The following CPXM2 variants were observed in gnomAD, a reference collection of about 807,000 sequenced individuals.
CPXM2 encodes the protein carboxypeptidase X, M14 family member 2.
A neutral mutation model predicts 86.1 loss-of-function variants in CPXM2; 66 were observed. The observed-to-expected ratio is 0.77, with a 90% CI of 0.63 to 0.94. The LOEUF (loss-of-function observed/expected upper bound fraction) is 0.94. Among genes scored for constraint, CPXM2 ranks in the 40% least tolerant of loss-of-function variants. The pLI, the probability that CPXM2 is intolerant of heterozygous loss-of-function variation, is 0.00. For synonymous variants in CPXM2, 388 were observed against 400.2 expected, an observed-to-expected ratio of 0.97 and a Z score of 0.36; for missense variants, 948 against 1,026.3, an observed-to-expected ratio of 0.92 and a Z score of 1.04.
rs780465616 is a variant in CPXM2 at position 123,907,454 on chromosome 10, G to A, written n.175-27145C>T. The stretch of plus-strand genomic sequence containing the variant: ...AGCGGCATCGCTGGGCGGGGCCCTC[G>A]CAGCGTCCTTACCCACCCTCCCGCA... On this transcript the variant is annotated intron_variant and non_coding_transcript_variant, in intron 2 of 19. Transcript: ENST00000368854. Among the ~76,000 whole-genome samples the A allele has an allele frequency of 1.4e-4, 22 of 152,242 alleles. No individual in the cohort carries two copies. The East Asian group carries it at 1.7e-3, about 12-fold the overall frequency.
chr10:123,798,219 T>C, intron 5 of CPXM2, 93 bp from the exon 6 acceptor site: 1 of 1,176,274 alleles, frequency 8.5e-7, no homozygotes, highest in Non-Finnish European at 1.2e-6. Flanking sequence ...AAGACTTTAT[T>C]GAGGAAAACC....
intron 4 of CPXM2, among the ~76,000 whole-genome samples, chr10:123,829,586 C>T (rs571869367): frequency 6.6e-6 from 1 of 152,218 alleles, no homozygotes; most frequent in Non-Finnish European, 1.5e-5. Flanking sequence ...CTCAGATATG[C>T]CAATTCTCCC....
chr10:123,859,305 T>C (rs563356457), intron 3 of CPXM2, among the ~76,000 whole-genome samples: 32 of 152,358 alleles, frequency 2.1e-4, no homozygotes, highest in Non-Finnish European at 2.6e-4. Context: ...GGAGATGTAT[T>C]TTTGGCACAC....
intron 12 of CPXM2, among the ~76,000 whole-genome samples, chr10:123,756,683 CTGTTAAGG>C (rs528545779): frequency 0.018 from 2,790 of 151,002 alleles, 38 homozygotes; most frequent in Non-Finnish European, 0.027. Context: ...GAAAAGGAGG[CTGTTAAGG>C]TGGCATCCTC....
intron 4 of CPXM2, among the ~76,000 whole-genome samples, chr10:123,826,445 G>A (rs1848048680): frequency 6.6e-6 from 1 of 152,102 alleles, no homozygotes; most frequent in South Asian, 2.1e-4. Flanking sequence ...GGAGGTACAG[G>A]AACATTTAAC....
intron 5 of CPXM2, 148 bp from the exon 6 acceptor site, chr10:123,798,274 T>C: frequency 1.5e-6 from 1 of 665,378 alleles, no homozygotes; most frequent in Non-Finnish European, 2.2e-6. Context: ...AAAAAAGAAA[T>C]GAATCAGGCC....
chr10:123,869,014 C>G (rs915626178), intron 2 of CPXM2, among the ~76,000 whole-genome samples: 6 of 152,050 alleles, frequency 3.9e-5, no homozygotes, highest in African/African-American at 1.4e-4. Flanking sequence ...AAAACATTAC[C>G]AAGAAAGACG....
upstream of CPXM2, among the ~76,000 whole-genome samples, chr10:123,895,033 A>G (rs1325859664): frequency 6.6e-6 from 1 of 152,008 alleles, no homozygotes; most frequent in Non-Finnish European, 1.5e-5. Context: ...GGTAAGGTTC[A>G]AGGCTCACCA....
chr10:123,890,333 G>A (rs910403623), intron 1 of CPXM2, among the ~76,000 whole-genome samples: 2 of 152,326 alleles, frequency 1.3e-5, no homozygotes, highest in Non-Finnish European at 1.5e-5. Context: ...TCTGCAAAGG[G>A]GGGTGCTCAT....
At chr10:123,751,813 A>G (rs890222654) in intron 13 of CPXM2, 3 of 985,326 alleles carry the variant, frequency 3.0e-6, no homozygotes, top group Non-Finnish European at 3.6e-6. Context: ...AGCCGTGTGT[A>G]AAGTATGGAG....
rs780023934 is a variant in CPXM2, at chr10:123,768,693, C to T, written c.1132G>A (p.Ala378Thr). 33 of 1,610,944 alleles carry T rather than the reference C, an allele frequency of 2.0e-5. No homozygotes were observed. In the South Asian group the frequency reaches 3.3e-4, roughly 16 times the overall value. ...CGGCCCAGCACCTCATTGCCGTGGG[C>T]CCCCGCGATGTAGTGGAACTCGGGC... is the stretch of plus-strand genomic sequence containing the variant. Reference protein sequence around the residue: ...GEPEFHYIAGAHGNEVLGREL... With the variant: ...GEPEFHYIAGTHGNEVLGREL... Residue 378 changes from alanine (A) to threonine (T), a missense_variant, in exon 9 of 14, where the codon GCC (alanine) becomes ACC (threonine). Ala to Thr is a moderately conservative substitution (Grantham distance 58). Coordinates refer to ENST00000241305, the MANE Select transcript of CPXM2 (RefSeq NM_198148.3).
chr10:123,928,307 G>A (rs1945640945), intron 2 of CPXM2, among the ~76,000 whole-genome samples: 1 of 152,230 alleles, frequency 6.6e-6, no homozygotes, highest in Non-Finnish European at 1.5e-5. Flanking sequence ...ATGGTCTGAT[G>A]ACCCCTGGGA....
In CPXM2 at chr10:123,754,698, A is replaced by G; in HGVS notation, c.1982T>C (p.Ile661Thr). The G allele has an allele frequency of 6.2e-7, 1 of 1,608,750 alleles. No individual in the cohort carries two copies. The highest frequency in any genetic ancestry group is 1.1e-5 in the South Asian group (1 of 90,964). Residue 661 changes from isoleucine to threonine, a missense_variant, in exon 13 of 14, where the codon ATC becomes ACC. By Grantham distance (89) the Ile-to-Thr change is moderately conservative. Coordinates refer to ENST00000241305, the MANE Select transcript of CPXM2 (RefSeq NM_198148.3). The surrounding 1 kb of genome is among the most constrained non-coding windows in gnomAD (Gnocchi z 4.0). The part of the protein sequence containing the change: ...SHGKGIPNAI[I>T]SVEGINHDIR... ...GTCATGGTTAATGCCTTCTACGGAG[A>G]TAATGGCGTTTGGGATTCCTTTTCC... is the stretch of plus-strand genomic sequence containing the variant.
chr10:123,799,234 C>G (rs781291247), intron 4 of CPXM2, 35 bp from the exon 5 acceptor site: 5 of 1,611,612 alleles, frequency 3.1e-6, no homozygotes, highest in South Asian at 1.1e-5. Flanking sequence ...GGACTACACA[C>G]TTTAAAATGT....
intron 9 of CPXM2, 97 bp from the exon 10 acceptor site, chr10:123,767,249 AT>A: frequency 1.7e-6 from 2 of 1,151,574 alleles, no homozygotes; most frequent in Non-Finnish European, 2.5e-6. Context: ...CCCTTGGGGA[AT>A]GTCTCTAAGC....
intron 2 of CPXM2, among the ~76,000 whole-genome samples, chr10:123,866,624 C>T (rs781225684): frequency 5.9e-5 from 9 of 152,066 alleles, no homozygotes; most frequent in Non-Finnish European, 1.2e-4. Context: ...GGCCTGTTGA[C>T]GTGGCAGGCA....
intron 6 of CPXM2, among the ~76,000 whole-genome samples, chr10:123,796,150 CAGA>C (rs1280962273): frequency 6.6e-6 from 1 of 152,252 alleles, no homozygotes; most frequent in Non-Finnish European, 1.5e-5. Context: ...CAGCCCGCCA[CAGA>C]AGGAGGCCCA....
rs145095067 is a variant in CPXM2, at chr10:123,826,767, G to C, written c.653+15582C>G. 2.7e-3 allele frequency among the ~76,000 whole-genome samples: 412 copies of C among 152,152 alleles called. 1 individual carries two copies. Among genetic ancestry groups the C allele is most frequent in the African/African-American group, 9.1e-3 (378 of 41,518 alleles). On this transcript the variant is annotated intron_variant, in intron 4 of 13. Transcript: ENST00000241305. ...GACACACAGAAAGCATGCCAAGAAT[G>C]CATTTGTAAAACCTGAAGGTGGAAT...
chr10:123,901,455 G>GTGTGTA (rs2134261029), intron 2 of CPXM2, among the ~76,000 whole-genome samples: 1 of 151,842 alleles, frequency 6.6e-6, no homozygotes, highest in East Asian at 1.9e-4. Flanking sequence ...GTGTGTGTGT[G>GTGTGTA]TGTGTGTGTG....
Sources: allele counts gnomAD v4.1 joint callset (sites outside exome capture counted in the v4.1 genomes callset), GRCh38; gene constraint gnomAD v4.1.1; non-coding constraint Gnocchi (gnomAD v3.1); transcripts MANE v1.5; gene names NCBI Gene and HGNC (gene_info 2026-07-23, HGNC 2026-07-21).